SCAMP1: variants seen among roughly 807,000 people sequenced by gnomAD.
The protein encoded by SCAMP1 is secretory carrier membrane protein 1.
Under a neutral mutation model 41.8 loss-of-function variants are expected in SCAMP1, and 15 were observed. That is an observed-to-expected ratio of 0.36 (90% confidence interval 0.24 to 0.55). The LOEUF (loss-of-function observed/expected upper bound fraction) is 0.55, where lower values mean the gene tolerates loss of function less well. SCAMP1 is among the 20% of genes least tolerant of loss of function. SCAMP1 has a pLI of 0.86. For synonymous variants in SCAMP1, 135 were observed against 136.8 expected (o/e 0.99, Z 0.09); for missense variants, 341 against 412.6 (o/e 0.83, Z 1.50).
intron 2 of SCAMP1, among the ~76,000 whole-genome samples, chr5:78,407,754 C>T (rs886207299): frequency 2.6e-5 from 4 of 151,674 alleles, no homozygotes; most frequent in African/African-American, 9.7e-5. Flanking sequence ...ACTTCCATTC[C>T]TTTATTATTT....
chr5:78,384,165 T>G (rs1180898131), intron 1 of SCAMP1, among the ~76,000 whole-genome samples: 1 of 128,766 alleles, frequency 7.8e-6, no homozygotes, highest in Non-Finnish European at 1.6e-5. Flanking sequence ...TTAGGTATAT[T>G]CCCAAGTTTT....
intron 5 of SCAMP1, among the ~76,000 whole-genome samples, chr5:78,419,821 G>T (rs1400437105): frequency 1.3e-5 from 2 of 152,052 alleles, no homozygotes; most frequent in African/African-American, 4.8e-5. Context: ...AGTTGTTTTG[G>T]AATGTGAGAA....
chr5:78,411,349 G>A (rs956129124), intron 2 of SCAMP1, among the ~76,000 whole-genome samples: 1 of 152,126 alleles, frequency 6.6e-6, no homozygotes, highest in African/African-American at 2.4e-5. Flanking sequence ...CCATTAATAA[G>A]AGATACTGGG....
At chr5:78,473,139 G>C (rs182691078) in intron 8 of SCAMP1, among the ~76,000 whole-genome samples, 12 of 151,860 alleles carry the variant, frequency 7.9e-5, no homozygotes, top group African/African-American at 2.9e-4. Flanking sequence ...TAAGGTACTA[G>C]GGGAAAGGAA....
At chr5:78,436,069 G>A (rs926894602) in intron 6 of SCAMP1, among the ~76,000 whole-genome samples, 2 of 152,006 alleles carry the variant, frequency 1.3e-5, no homozygotes, top group Non-Finnish European at 2.9e-5. Context: ...TTTTTGATGG[G>A]GTTGTTTTTT....
At chr5:78,365,453 G>C (rs552745973) in intron 1 of SCAMP1, among the ~76,000 whole-genome samples, 38 of 127,562 alleles carry the variant, frequency 3.0e-4, no homozygotes, top group Non-Finnish European at 4.1e-4. Context: ...CAGCCTGGGC[G>C]ACAGTGCGAG....
At chr5:78,360,905 GT>G in intron 1 of SCAMP1, 177 bp downstream of exon 1, 1 of 621,982 alleles carries the variant, frequency 1.6e-6, no homozygotes, top group Non-Finnish European at 2.8e-6. Flanking sequence ...ACTCCTTTGG[GT>G]TTTGGGGCTT....
intron 8 of SCAMP1, among the ~76,000 whole-genome samples, chr5:78,473,938 A>T (rs1235242350): frequency 5.3e-5 from 8 of 152,136 alleles, no homozygotes; most frequent in Non-Finnish European, 1.2e-4. Context: ...GAGGCTGAGA[A>T]GTCCAAGATA....
intron 2 of SCAMP1, among the ~76,000 whole-genome samples, chr5:78,411,279 T>G (rs186118922): frequency 9.8e-5 from 15 of 152,324 alleles, no homozygotes; most frequent in African/African-American, 3.6e-4. Context: ...GGTTTTACAT[T>G]TAAAGGACCA....
chr5:78,434,117 G>C (rs944177860), intron 6 of SCAMP1, among the ~76,000 whole-genome samples: 7 of 152,190 alleles, frequency 4.6e-5, no homozygotes, highest in Non-Finnish European at 1.0e-4. Context: ...CCAGCCTCCT[G>C]TCTTTCTTCT....
chr5:78,373,396 C>T (rs145876358), intron 1 of SCAMP1, among the ~76,000 whole-genome samples: 3 of 152,178 alleles, frequency 2.0e-5, no homozygotes, highest in African/African-American at 7.2e-5. Flanking sequence ...CTTGCTACAT[C>T]CAATATAAAA....
chr5:78,469,093 A>G (rs1753812128), intron 8 of SCAMP1, among the ~76,000 whole-genome samples: 1 of 152,134 alleles, frequency 6.6e-6, no homozygotes, highest in Non-Finnish European at 1.5e-5. Flanking sequence ...ACATATTATA[A>G]GTGGACCTGC....
chr5:78,479,313 A>G lies in SCAMP1; in HGVS notation c.*3645A>G, dbSNP rs922729398. Among the ~76,000 whole-genome samples the G allele has an allele frequency of 2.0e-5, 3 of 152,248 alleles. No homozygotes were observed. On this transcript the variant is annotated 3_prime_UTR_variant, in exon 9 of 9. Coordinates refer to ENST00000621999, the MANE Select transcript of SCAMP1 (RefSeq NM_004866.6). ...TAAAAAAATTGAGGATGGTTAAAAA[A>G]TAGAAAACACCTTACTTTGATACAT...
At chr5:78,412,780 A>G (rs1320165881) in intron 2 of SCAMP1, among the ~76,000 whole-genome samples, 1 of 152,132 alleles carries the variant, frequency 6.6e-6, no homozygotes, top group Non-Finnish European at 1.5e-5. Flanking sequence ...TTCTTTATAT[A>G]TTCTGGGTAG....
chr5:78,369,820 TC>T (rs1189055574), intron 1 of SCAMP1, among the ~76,000 whole-genome samples: 12 of 152,366 alleles, frequency 7.9e-5, no homozygotes, highest in African/African-American at 2.9e-4. Flanking sequence ...GCTCTGAGCC[TC>T]AGCTTCTGCT....
At chr5:78,403,600 A>C (rs1252084717) in intron 2 of SCAMP1, among the ~76,000 whole-genome samples, 1 of 152,184 alleles carries the variant, frequency 6.6e-6, no homozygotes, top group Non-Finnish European at 1.5e-5. Context: ...AAACCAGCCT[A>C]GGCAATGTAG....
At chr5:78,377,295 C>T (rs1235902208) in intron 1 of SCAMP1, among the ~76,000 whole-genome samples, 1 of 152,160 alleles carries the variant, frequency 6.6e-6, no homozygotes, top group Non-Finnish European at 1.5e-5. Context: ...CTCTCTGCTC[C>T]CTTTTCTGGC....
At chr5:78,438,455 C>T (rs1440484222) in intron 6 of SCAMP1, among the ~76,000 whole-genome samples, 3 of 152,032 alleles carry the variant, frequency 2.0e-5, no homozygotes, top group Non-Finnish European at 4.4e-5. Flanking sequence ...TTATTTCTGC[C>T]TTCATTTCGT....
At chr5:78,407,745 C>T (rs1412045000) in intron 2 of SCAMP1, among the ~76,000 whole-genome samples, 7 of 151,774 alleles carry the variant, frequency 4.6e-5, no homozygotes, top group Non-Finnish European at 1.0e-4. Flanking sequence ...ATTAGATTCA[C>T]TTCCATTCCT....
Sources: allele counts gnomAD v4.1 joint callset (sites outside exome capture counted in the v4.1 genomes callset), GRCh38; gene constraint gnomAD v4.1.1; transcripts MANE v1.5; gene names NCBI Gene and HGNC (gene_info 2026-07-23, HGNC 2026-07-21).